Variants in AUTS2 observed in about 807,000 individuals in gnomAD.
The protein encoded by AUTS2 is activator of transcription and developmental regulator AUTS2, also known as autism susceptibility gene 2 protein.
Under a neutral mutation model 112.4 loss-of-function variants are expected in AUTS2, and 17 were observed. That is an observed-to-expected ratio of 0.15 (90% CI 0.10 to 0.23). AUTS2 has a LOEUF of 0.23. AUTS2 is among the 10% of genes least tolerant of loss of function. The probability of loss-of-function intolerance (pLI) is 1.00; values close to 1 mark genes in which losing one functional copy is unlikely to be tolerated. For missense variants in AUTS2, 1,510 were observed against 1,701.6 expected (o/e 0.89, Z 1.98); for synonymous variants, 751 against 702.7 (o/e 1.07, Z -1.09).
intron 5 of AUTS2, among the ~76,000 whole-genome samples, chr7:70,681,486 C>G (rs1233184970): frequency 6.6e-6 from 1 of 151,562 alleles, no homozygotes; most frequent in Non-Finnish European, 1.5e-5. Context: ...AGAGCACATG[C>G]ACTCCTCAGA....
intron 5 of AUTS2, among the ~76,000 whole-genome samples, chr7:70,693,238 CCATT>C (rs921899424): frequency 6.6e-6 from 1 of 152,152 alleles, no homozygotes; most frequent in African/African-American, 2.4e-5. Context: ...TCATTTCTGG[CCATT>C]CAGTCCCCCA....
At chr7:70,451,345 A>T (rs1796520825) in intron 5 of AUTS2, among the ~76,000 whole-genome samples, 1 of 152,158 alleles carries the variant, frequency 6.6e-6, no homozygotes, top group South Asian at 2.1e-4. Context: ...AAACATACAC[A>T]TGTACCCCCG....
At chr7:70,415,157 C>G (rs558761293) in intron 4 of AUTS2, among the ~76,000 whole-genome samples, 1 of 152,342 alleles carries the variant, frequency 6.6e-6, no homozygotes, top group East Asian at 1.9e-4. Context: ...TAGCCTTTCT[C>G]TGGCCTTCGT....
chr7:69,960,843 A>T (rs1286289935), intron 2 of AUTS2, among the ~76,000 whole-genome samples: 1 of 151,984 alleles, frequency 6.6e-6, no homozygotes, highest in Non-Finnish European at 1.5e-5. Flanking sequence ...GTCCACTTTT[A>T]ATCCCTCTTA....
chr7:70,271,673 G>T (rs1787699687), intron 4 of AUTS2, among the ~76,000 whole-genome samples: 1 of 152,084 alleles, frequency 6.6e-6, no homozygotes, highest in South Asian at 2.1e-4. Context: ...CTTTGAATGG[G>T]GTTGCCCAAT....
At chr7:69,935,410 A>C (rs548400992) in intron 2 of AUTS2, among the ~76,000 whole-genome samples, 1 of 152,328 alleles carries the variant, frequency 6.6e-6, no homozygotes, top group South Asian at 2.1e-4. Context: ...TAGCCTTTTC[A>C]AAATTTTTTT....
intron 2 of AUTS2, among the ~76,000 whole-genome samples, chr7:69,981,833 T>C (rs2129550283): frequency 6.6e-6 from 1 of 152,354 alleles, no homozygotes; most frequent in Middle Eastern, 3.4e-3. Context: ...CCCATCAAAA[T>C]ACATATACTC....
chr7:70,632,550 C>T (rs1036856186), intron 5 of AUTS2, among the ~76,000 whole-genome samples: 1 of 152,020 alleles, frequency 6.6e-6, no homozygotes, highest in Admixed American at 6.5e-5. Flanking sequence ...CCCGTTGAGC[C>T]ACGCAGGTTT....
chr7:69,741,599 G>A (rs1252658129), intron 1 of AUTS2, among the ~76,000 whole-genome samples: 1 of 151,946 alleles, frequency 6.6e-6, no homozygotes. Flanking sequence ...TAGCTACTTG[G>A]GAGGCTGAGG....
chr7:70,116,995 T>C (rs1028830361), intron 2 of AUTS2, among the ~76,000 whole-genome samples: 5 of 152,236 alleles, frequency 3.3e-5, no homozygotes, highest in East Asian at 1.9e-4. Context: ...CTTAGTCTTA[T>C]GTAGACTGAT....
At chr7:69,699,290 C>T (rs1268927163) in intron 1 of AUTS2, among the ~76,000 whole-genome samples, 1 of 152,136 alleles carries the variant, frequency 6.6e-6, no homozygotes, top group Non-Finnish European at 1.5e-5. Context: ...CATCCCTGGA[C>T]CTATGTGCCC....
intron 1 of AUTS2, among the ~76,000 whole-genome samples, chr7:69,635,028 C>T (rs1794452263): frequency 6.6e-6 from 1 of 150,912 alleles, no homozygotes; most frequent in Non-Finnish European, 1.5e-5. Flanking sequence ...TTAAAGAACT[C>T]AGTCTTGGGT....
chr7:70,675,928 A>G (rs1807887456), intron 5 of AUTS2, among the ~76,000 whole-genome samples: 1 of 152,198 alleles, frequency 6.6e-6, no homozygotes, highest in Admixed American at 6.5e-5. Flanking sequence ...CAAGCCCACC[A>G]GGCTGAAGGA....
intron 1 of AUTS2, among the ~76,000 whole-genome samples, chr7:69,777,874 C>A (rs1257683705): frequency 6.6e-6 from 1 of 152,070 alleles, no homozygotes; most frequent in Non-Finnish European, 1.5e-5. Flanking sequence ...GGGGACAGAT[C>A]ACTCATGCTG....
At chr7:70,306,332 G>C (rs911870887) in intron 4 of AUTS2, among the ~76,000 whole-genome samples, 2 of 152,186 alleles carry the variant, frequency 1.3e-5, no homozygotes, top group Non-Finnish European at 2.9e-5. Context: ...GTTACAGCAG[G>C]CTGTTTCAAC....
In AUTS2 at chr7:70,329,198, G is replaced by A. The variant is rs576913368; in HGVS notation, c.661-106554G>A. ...ACATGCACTGATGGATGTTTGGGCTGTTTATACCTTTTGGCTATTGTGAAC... is the reference window on the plus strand; with the variant it reads ...ACATGCACTGATGGATGTTTGGGCTATTTATACCTTTTGGCTATTGTGAAC... On this transcript the variant is annotated intron_variant, in intron 4 of 18. Transcript: ENST00000342771. Among the ~76,000 whole-genome samples the A allele has an allele frequency of 3.3e-4, 51 of 152,252 alleles. 1 individual carries two copies. Among genetic ancestry groups the A allele is most frequent in the African/African-American group, 1.2e-3 (50 of 41,556 alleles).
chr7:70,791,011 C>G lies in AUTS2; in HGVS notation c.*15C>G, dbSNP rs200489062. ...AGGCCCGATAAGCCGAGAACAGGAG[C>G]AAGAACGAGGAAGAAGAAACCCTAG... On this transcript the variant is annotated 3_prime_UTR_variant, in exon 19 of 19. Transcript: ENST00000342771. 1 of 1,480,546 alleles carries G rather than the reference C, an allele frequency of 6.8e-7. No homozygotes were observed. Among genetic ancestry groups the G allele is most frequent in the African/African-American group, 1.4e-5 (1 of 71,002 alleles). The allele number at this position is 1,480,546 out of a possible 1,614,324, so 91.7% of individuals were successfully genotyped here.
intron 4 of AUTS2, among the ~76,000 whole-genome samples, chr7:70,392,136 TG>T (rs1793892339): frequency 6.6e-6 from 1 of 152,218 alleles, no homozygotes; most frequent in South Asian, 2.1e-4. Context: ...CTCATAGCTT[TG>T]CAATGGCTTC....
chr7:70,261,087 G>GC (rs1787148937), intron 4 of AUTS2, among the ~76,000 whole-genome samples: 1 of 152,130 alleles, frequency 6.6e-6, no homozygotes, highest in African/African-American at 2.4e-5. Context: ...CTGGAAAGAA[G>GC]CAGTATACAT....
Sources: gnomAD v4.1 joint callset for allele counts (sites outside exome capture counted in the v4.1 genomes callset) on GRCh38, gnomAD v4.1.1 for gene constraint, MANE v1.5 for transcripts, NCBI Gene and HGNC (gene_info 2026-07-23, HGNC 2026-07-21) for gene names.